Variants in XPNPEP3 observed in about 807,000 individuals in gnomAD.
XPNPEP3 encodes the protein xaa-Pro aminopeptidase 3.
Under a neutral mutation model 60.0 loss-of-function variants are expected in XPNPEP3, and 41 were observed. The ratio of observed to expected loss-of-function variants is 0.68; its 90% confidence interval spans 0.53 to 0.89. XPNPEP3 has a LOEUF of 0.89. XPNPEP3 is among the 40% of genes least tolerant of loss of function. XPNPEP3 has a pLI of 0.00. For synonymous variants in XPNPEP3, 212 were observed against 223.2 expected (o/e 0.95, Z 0.45); for missense variants, 598 against 638.9 (o/e 0.94, Z 0.69).
At chr22:40,895,240 A>G (rs549910667) in intron 4 of XPNPEP3, among the ~76,000 whole-genome samples, 61 of 152,282 alleles carry the variant, frequency 4.0e-4, no homozygotes, top group Non-Finnish European at 6.0e-4. Context: ...CATGCTGCAT[A>G]TAGTTCATTT....
At chr22:40,861,216 T>C (rs770475666) in intron 1 of XPNPEP3, 37 of 1,614,042 alleles carry the variant, frequency 2.3e-5, no homozygotes, top group Middle Eastern at 1.6e-4. Context: ...CACGAAAGTA[T>C]ATTGAGATAC....
At chr22:40,898,031 G>A (rs143041393) in intron 4 of XPNPEP3, among the ~76,000 whole-genome samples, 2 of 151,872 alleles carry the variant, frequency 1.3e-5, no homozygotes, top group African/African-American at 2.4e-5. Flanking sequence ...CATTATGAGG[G>A]TTGGCTTTTT....
intron 3 of XPNPEP3, among the ~76,000 whole-genome samples, chr22:40,884,774 C>G (rs1407444457): frequency 6.6e-6 from 1 of 151,630 alleles, no homozygotes; most frequent in East Asian, 2.0e-4. Flanking sequence ...GCCTGTAATC[C>G]CAGCACTTCG....
intron 4 of XPNPEP3, among the ~76,000 whole-genome samples, chr22:40,898,773 C>T (rs2058119843): frequency 6.6e-6 from 1 of 152,134 alleles, no homozygotes; most frequent in Non-Finnish European, 1.5e-5. Context: ...CTGGTGGATG[C>T]CTTTTATCAC....
chr22:40,881,713 C>G, intron 2 of XPNPEP3, 57 bp from the exon 3 acceptor site: 7 of 1,588,442 alleles, frequency 4.4e-6, no homozygotes, highest in Non-Finnish European at 5.2e-6. Flanking sequence ...ATTAAACTAC[C>G]TTAAGTACTT....
At chr22:40,919,178 G>A (rs1392680413) in intron 7 of XPNPEP3, among the ~76,000 whole-genome samples, 1 of 152,112 alleles carries the variant, frequency 6.6e-6, no homozygotes, top group Non-Finnish European at 1.5e-5. Context: ...AATTCACCAG[G>A]TAGACTTAAC....
intron 1 of XPNPEP3, among the ~76,000 whole-genome samples, chr22:40,864,298 T>G (rs2057966666): frequency 6.6e-6 from 1 of 152,194 alleles, no homozygotes; most frequent in Non-Finnish European, 1.5e-5. Context: ...GAGGTTACTG[T>G]CATTGCCATC....
chr22:40,867,484 T>G (rs571418435), intron 1 of XPNPEP3, among the ~76,000 whole-genome samples: 1 of 152,120 alleles, frequency 6.6e-6, no homozygotes, highest in African/African-American at 2.4e-5. Flanking sequence ...TTTAGAAAAA[T>G]CATAGCTTCT....
intron 1 of XPNPEP3, among the ~76,000 whole-genome samples, chr22:40,868,165 CTA>C (rs756984049): frequency 2.0e-5 from 3 of 152,152 alleles, no homozygotes; most frequent in East Asian, 1.9e-4. Flanking sequence ...TTGTTGTACT[CTA>C]TGATTAAGCA....
intron 2 of XPNPEP3, among the ~76,000 whole-genome samples, chr22:40,873,989 C>T (rs887101940): frequency 1.3e-5 from 2 of 151,836 alleles, no homozygotes; most frequent in Non-Finnish European, 2.9e-5. Context: ...TAATTGTAGC[C>T]GTCTCTTGAG....
chr22:40,931,080 C>G lies in XPNPEP3; in HGVS notation c.*4645C>G, dbSNP rs183511610. 78 of 152,442 alleles carry G rather than the reference C, an allele frequency of 5.1e-4. 1 individual carries two copies. The highest frequency in any genetic ancestry group is 1.0e-3 in the South Asian group (5 of 4,828). The allele number at this position is 152,442 out of a possible 1,614,324, so 9.4% of individuals were successfully genotyped here. A position where few individuals can be genotyped will look rare whatever the true frequency, so the allele number is the denominator to read the frequency against. ...GCCAGGATGGTCTTGATCTCCTGAC[C>G]TCGTGATCTGCCCACTTTGGCCTCC... is the stretch of plus-strand genomic sequence containing the variant. On this transcript the variant is annotated 3_prime_UTR_variant, in exon 10 of 10. Transcript: ENST00000357137.
chr22:40,861,244 A>G (rs768257437), intron 1 of XPNPEP3: 2 of 1,614,030 alleles, frequency 1.2e-6, no homozygotes, highest in Non-Finnish European at 1.7e-6. Flanking sequence ...GAGCTGTGAG[A>G]ATTTGGTGAA....
chr22:40,905,071 AT>A (rs368478851), intron 4 of XPNPEP3, among the ~76,000 whole-genome samples: 107 of 132,920 alleles, frequency 8.0e-4, no homozygotes, highest in Admixed American at 3.6e-3. Context: ...CAGCCATTTA[AT>A]TTTTTTTTTT....
intron 2 of XPNPEP3, among the ~76,000 whole-genome samples, chr22:40,879,168 A>C (rs931574849): frequency 6.6e-6 from 1 of 152,200 alleles, no homozygotes; most frequent in Non-Finnish European, 1.5e-5. Context: ...ACTCTTAGCC[A>C]GCTCAATCTT....
rs2058243675 is a variant in XPNPEP3 at position 40,928,506 on chromosome 22, G to GT, written c.*2072dup. The GT allele has an allele frequency of 6.6e-6, 1 of 152,060 alleles. No individual in the cohort carries two copies. The allele number at this position is 152,060 out of a possible 1,614,324, so 9.4% of individuals were successfully genotyped here. ...ACAGGCATGAGCCACTGCGCCCGGT[G>GT]TAAGAGTCATATTTTTTTAAACACA... is the stretch of plus-strand genomic sequence containing the variant. On this transcript the variant is annotated 3_prime_UTR_variant, in exon 10 of 10. Coordinates refer to ENST00000357137, the MANE Select transcript of XPNPEP3 (RefSeq NM_022098.4).
intron 7 of XPNPEP3, among the ~76,000 whole-genome samples, chr22:40,915,050 CTT>C (rs34697318): frequency 3.4e-5 from 4 of 117,874 alleles, no homozygotes; most frequent in Admixed American, 1.0e-4. Context: ...CAAGTCCATT[CTT>C]TTTTTTTTTT....
intron 2 of XPNPEP3, among the ~76,000 whole-genome samples, chr22:40,878,152 G>C (rs2058034598): frequency 6.6e-6 from 1 of 151,266 alleles, no homozygotes; most frequent in Non-Finnish European, 1.5e-5. Context: ...GTTGCAGTGA[G>C]CCGAGATTGT....
At chr22:40,891,180 A>C (rs994495386) in intron 4 of XPNPEP3, among the ~76,000 whole-genome samples, 1 of 114,972 alleles carries the variant, frequency 8.7e-6, no homozygotes, top group Non-Finnish European at 1.9e-5. Flanking sequence ...CCATTTCTAC[A>C]AAAAAAAAAA....
intron 4 of XPNPEP3, among the ~76,000 whole-genome samples, chr22:40,897,117 C>T (rs1428040294): frequency 2.0e-5 from 3 of 150,480 alleles, no homozygotes; most frequent in Admixed American, 1.3e-4. Flanking sequence ...CTGCAGGCTC[C>T]GCCGGGTTCA....
Sources: allele counts gnomAD v4.1 joint callset (sites outside exome capture counted in the v4.1 genomes callset), GRCh38; gene constraint gnomAD v4.1.1; transcripts MANE v1.5; gene names NCBI Gene and HGNC (gene_info 2026-07-23, HGNC 2026-07-21).